Variants in CLN5 observed in about 807,000 individuals in gnomAD.
CLN5 encodes CLN5 lysosomal BMP synthase.
Under a neutral mutation model 36.7 loss-of-function variants are expected in CLN5, and 34 were observed. That is an observed-to-expected ratio of 0.93 (90% CI 0.71 to 1.23). The LOEUF (loss-of-function observed/expected upper bound fraction) is 1.23. Among genes scored for constraint, CLN5 ranks in the 50% most tolerant of loss-of-function variants. CLN5 has a pLI of 0.00. For synonymous variants in CLN5, 151 were observed against 155.1 expected, an observed-to-expected ratio of 0.97 and a Z score of 0.20; for missense variants, 427 against 439.4, an observed-to-expected ratio of 0.97 and a Z score of 0.25.
intron 3 of CLN5, 163 bp from the exon 4 acceptor site, chr13:77,000,295 G>T: frequency 1.7e-6 from 1 of 582,468 alleles, no homozygotes; most frequent in Non-Finnish European, 2.9e-6. Flanking sequence ...CGAGGTGGGA[G>T]GATCACTTAA....
At chr13:76,999,083 T>C (rs1395523688) in intron 3 of CLN5, 3 of 152,242 alleles carry the variant, frequency 2.0e-5, no homozygotes, top group African/African-American at 7.2e-5. Context: ...AGCATTCTTG[T>C]CTCATAAGGA....
rs750927687 is a variant in CLN5, at chr13:77,000,990, C to CTT, written c.*26_*27dup. ...TATAAAACACCTTAATTCTACTGCT[C>CTT]TTTTTTCTCCAATCACCAGCATCTG... On this transcript the variant is annotated 3_prime_UTR_variant, in exon 4 of 4. Coordinates refer to ENST00000377453, the MANE Select transcript of CLN5 (RefSeq NM_006493.4). 19 of 1,594,272 alleles carry CTT rather than the reference C, an allele frequency of 1.2e-5. No homozygotes were observed. Among genetic ancestry groups the CTT allele is most frequent in the Non-Finnish European group, 1.5e-5 (17 of 1,171,372 alleles).
rs901517981 is a variant in CLN5, at chr13:77,003,745, G to C, written c.*2776G>C. ...ACGGATCACTTGAGGTCAGGAGTTC[G>C]AGACCAGCCTGGCCAACATGGTGAA... On this transcript the variant is annotated 3_prime_UTR_variant, in exon 4 of 4. Coordinates refer to ENST00000377453, the MANE Select transcript of CLN5 (RefSeq NM_006493.4). 1.3e-5 allele frequency: 2 copies of C among 152,282 alleles called. No homozygotes were observed. The highest frequency in any genetic ancestry group is 2.4e-5 in the African/African-American group (1 of 41,522). 9.4% of individuals were successfully genotyped at this position (152,282 alleles called of 1,614,324 possible). A position where few individuals can be genotyped will look rare whatever the true frequency, so the allele number is the denominator to read the frequency against.
intron 3 of CLN5, chr13:76,997,976 A>G (rs2034296441): frequency 6.6e-6 from 1 of 152,268 alleles, no homozygotes; most frequent in African/African-American, 2.4e-5. Flanking sequence ...TGAGTACTGT[A>G]CATACATCAC....
At chr13:76,996,148 A>T in intron 3 of CLN5, 21 bp downstream of exon 3, 4 of 1,559,052 alleles carry the variant, frequency 2.6e-6, no homozygotes, top group Non-Finnish European at 2.7e-6. Flanking sequence ...AAAATATAGC[A>T]ATATTTGATC....
intron 3 of CLN5, chr13:76,997,965 C>G (rs2034296123): frequency 6.6e-6 from 1 of 152,182 alleles, no homozygotes; most frequent in Admixed American, 6.5e-5. Flanking sequence ...TGGCACTGTT[C>G]TGAGTACTGT....
rs386833965 is a variant in CLN5, at chr13:77,000,816, CTT to C, written c.925_926del (p.Leu309AlafsTer4). 1 of 1,609,896 alleles carries C rather than the reference CTT, an allele frequency of 6.2e-7. No individual in the cohort carries two copies. The highest frequency in any genetic ancestry group is 1.1e-5 in the South Asian group (1 of 90,078). On this transcript the variant is annotated frameshift_variant, in exon 4 of 4. Transcript: ENST00000377453. LOFTEE classifies it high-confidence loss of function. The stretch of plus-strand genomic sequence containing the variant: ...CAACTAAAGAATTTCTGTTGAGTCT[CTT>C]GCAAATTTTTGATGCAGTGATTGTG... ...LPTKEFLLSLLQIFDAVIVHK... is the reference protein window; with the variant it reads ...LPTKEFLLSLXQIFDAVIVHK...
In CLN5 at chr13:77,000,593, TTG is replaced by T. The variant is rs1555274343; in HGVS notation, c.705_706del (p.Leu236LysfsTer4). On this transcript the variant is annotated frameshift_variant, in exon 4 of 4. Coordinates refer to ENST00000377453, the MANE Select transcript of CLN5 (RefSeq NM_006493.4). LOFTEE classifies it high-confidence loss of function. ...TTTGATTCCTACGACTGTTCCAAAT[TTG>T]TGTTAAGGACCTTTAACAAGTTGGC... is the stretch of plus-strand genomic sequence containing the variant. 1 of 1,614,102 alleles carries T rather than the reference TTG, an allele frequency of 6.2e-7. No homozygotes were observed. Among genetic ancestry groups the T allele is most frequent in the Non-Finnish European group, 8.5e-7 (1 of 1,180,016 alleles).
chr13:76,994,875 A>C lies in CLN5; in HGVS notation c.174-188A>C. On this transcript the variant is annotated intron_variant, in intron 1 of 3. Transcript: ENST00000377453. ...AGCCCGTATTTATCAGAGTGCTTTT[A>C]GTTTATCATTTGCTATTAAAAACAT... is the stretch of plus-strand genomic sequence containing the variant. The C allele has an allele frequency of 5.3e-6, 3 of 569,342 alleles. No homozygotes were observed. The Admixed American group carries it at 1.0e-4, about 19-fold the overall frequency. 35.3% of individuals were successfully genotyped at this position (569,342 alleles called of 1,614,324 possible).
At chr13:76,992,646 G>A (rs1313576134) in intron 1 of CLN5, 3 of 288,234 alleles carry the variant, frequency 1.0e-5, no homozygotes, top group African/African-American at 4.5e-5. Context: ...ATGCACTGTC[G>A]TTAGTTATTA....
At chr13:76,993,211 A>C (rs2034209776) in intron 1 of CLN5, 1 of 152,214 alleles carries the variant, frequency 6.6e-6, no homozygotes, top group African/African-American at 2.4e-5. Context: ...TGGGAAAGTT[A>C]CTCAGAATCT....
intron 3 of CLN5, chr13:76,999,211 A>G (rs1045805356): frequency 2.6e-5 from 4 of 152,170 alleles, no homozygotes; most frequent in East Asian, 1.9e-4. Context: ...CAGTCACTCT[A>G]TTCATTTTAC....
rs1367110868 is a variant in CLN5, at chr13:77,004,190, T to G, written c.*3221T>G. On this transcript the variant is annotated 3_prime_UTR_variant, in exon 4 of 4. Transcript: ENST00000377453. ...AAAAATCAAGTCTTAGGAAGTCTTA[T>G]CCAGTTTTATGGTCTGCTGTGGTGG... The G allele has an allele frequency of 6.6e-6, 1 of 152,194 alleles. No homozygotes were observed. 9.4% of individuals were successfully genotyped at this position (152,194 alleles called of 1,614,324 possible). A position where few individuals can be genotyped will look rare whatever the true frequency, so the allele number is the denominator to read the frequency against.
intron 3 of CLN5, chr13:76,998,570 G>T (rs769456781): frequency 5.3e-5 from 8 of 152,180 alleles, no homozygotes; most frequent in Non-Finnish European, 1.0e-4. Flanking sequence ...CTTCCTATTT[G>T]TATAGCTCTT....
chr13:76,997,482 C>G (rs1203552412), intron 3 of CLN5: 1 of 152,162 alleles, frequency 6.6e-6, no homozygotes, highest in African/African-American at 2.4e-5. Flanking sequence ...TTTTTTCTTG[C>G]TGATTTGAGT....
Position 77,001,216 on chromosome 13 carries a change from T to C in CLN5, c.*247T>C. The C allele has an allele frequency of 2.6e-6, 1 of 385,074 alleles. No homozygotes were observed. The highest frequency in any genetic ancestry group is 4.7e-6 in the Non-Finnish European group (1 of 211,682). 23.9% of individuals were successfully genotyped at this position (385,074 alleles called of 1,614,324 possible). ...TTCAATTTCCGAGCCTTTGTTAATA[T>C]GGAGAATTATGGTTCATATCAGTTA... is the stretch of plus-strand genomic sequence containing the variant. On this transcript the variant is annotated 3_prime_UTR_variant, in exon 4 of 4. Coordinates refer to ENST00000377453, the MANE Select transcript of CLN5 (RefSeq NM_006493.4).
intron 1 of CLN5, chr13:76,992,583 T>G (rs1450784218): frequency 2.1e-6 from 1 of 478,842 alleles, no homozygotes; most frequent in Non-Finnish European, 3.7e-6. Context: ...TGGGTACAAG[T>G]AGCTGATTTC....
rs2034188115 is a variant in CLN5 at position 76,992,155 on chromosome 13, G to T, written c.57G>T (p.Ala19=). 3 of 1,606,004 alleles carry T rather than the reference G, an allele frequency of 1.9e-6. No homozygotes were observed. In the African/African-American group the frequency reaches 4.0e-5, roughly 22 times the overall value. ...CCGAGATGCGGCGGGGCGCGGGCGCGGCTCGGGGACGCGCTTCCTGGTGCT... is the reference window on the plus strand; with the variant it reads ...CCGAGATGCGGCGGGGCGCGGGCGCTGCTCGGGGACGCGCTTCCTGGTGCT... ...QGAEMRRGAG[A]ARGRASWCWA... The change falls in exon 1 of 4, where the codon GCG becomes GCT. Residue 19 remains alanine, a synonymous_variant. Coordinates refer to ENST00000377453, the MANE Select transcript of CLN5 (RefSeq NM_006493.4).
Position 76,992,114 on chromosome 13 carries a change from GA to G in CLN5, c.17del (p.Asp6AlafsTer108). The G allele has an allele frequency of 1.9e-6, 3 of 1,611,738 alleles. No individual in the cohort carries two copies. Among genetic ancestry groups the G allele is most frequent in the Non-Finnish European group, 2.5e-6 (3 of 1,179,310 alleles). On this transcript the variant is annotated frameshift_variant, in exon 1 of 4. Coordinates refer to ENST00000377453, the MANE Select transcript of CLN5 (RefSeq NM_006493.4). LOFTEE classifies it high-confidence loss of function. Reference protein sequence around the residue: MAQEVDTAQGAEMRRG... With the variant: MAQEVXTAQGAEMRRG... ...GTGCAGCCTGATGGCGCAGGAGGTA[GA>G]CACGGCACAGGGCGCCGAGATGCGG...
Sources: allele counts gnomAD v4.1 joint callset, GRCh38; gene constraint gnomAD v4.1.1; transcripts MANE v1.5; gene names NCBI Gene and HGNC (gene_info 2026-07-23, HGNC 2026-07-21).